The following ADARB1 variants were observed in gnomAD, a reference collection of about 807,000 sequenced individuals.
ADARB1 encodes the protein adenosine deaminase RNA specific B1.
ADARB1 carries 10 observed loss-of-function variants against 52.4 expected under a neutral mutation model. The observed-to-expected ratio is 0.19, with a 90% CI of 0.12 to 0.32. ADARB1 has a LOEUF of 0.32. ADARB1 is among the 10% of genes least tolerant of loss of function. The pLI, the probability that ADARB1 is intolerant of heterozygous loss-of-function variation, is 1.00. For missense variants in ADARB1, 643 were observed against 922.3 expected, an observed-to-expected ratio of 0.70 and a Z score of 3.92; for synonymous variants, 349 against 371.1, an observed-to-expected ratio of 0.94 and a Z score of 0.68.
intron 8 of ADARB1, among the ~76,000 whole-genome samples, chr21:45,201,653 C>G (rs888174125): frequency 1.3e-5 from 2 of 152,264 alleles, no homozygotes; most frequent in African/African-American, 4.8e-5. Flanking sequence ...CTGTATGTGC[C>G]AGGTACATAT....
Position 45,221,236 on chromosome 21 carries a change from G to T in ADARB1, c.1926+222G>T, listed in dbSNP as rs1192980783. 1.3e-5 allele frequency among the ~76,000 whole-genome samples: 2 copies of T among 152,222 alleles called. No individual in the cohort carries two copies. The highest frequency in any genetic ancestry group is 2.9e-5 in the Non-Finnish European group (2 of 68,042). On this transcript the variant is annotated intron_variant, in intron 10 of 10. Transcript: ENST00000348831. This position sits in a 1 kb window ranked among gnomAD's most constrained non-coding sequence, Gnocchi z 4.9. ...AAAGGCAGCTCTTTTCCTCCCTGCT[G>T]CAGGGTAACACCCACTGCCAGGCCA... is the stretch of plus-strand genomic sequence containing the variant.
chr21:45,163,176 A>G (rs1015195038), intron 2 of ADARB1, among the ~76,000 whole-genome samples: 8 of 152,240 alleles, frequency 5.3e-5, no homozygotes, highest in Non-Finnish European at 1.0e-4. Context: ...AATAGTAACC[A>G]GTTTAAAGCC....
intron 1 of ADARB1, among the ~76,000 whole-genome samples, chr21:45,095,110 C>G (rs2086704667): frequency 6.6e-6 from 1 of 152,254 alleles, no homozygotes; most frequent in South Asian, 2.1e-4. Flanking sequence ...GTCCTGGTCT[C>G]AATCAGTGTC....
chr21:45,118,230 C>T (rs2087936979), intron 1 of ADARB1, among the ~76,000 whole-genome samples: 1 of 152,200 alleles, frequency 6.6e-6, no homozygotes, highest in East Asian at 1.9e-4. Context: ...CTGTTTCTAG[C>T]TGCCTCAGTT....
chr21:45,132,319 A>G (rs2145846141), intron 2 of ADARB1: 1 of 152,290 alleles, frequency 6.6e-6, no homozygotes, highest in East Asian at 1.9e-4. Context: ...CAGAGGATTC[A>G]TTTCTGTCTG....
At chr21:45,178,234 C>T (rs758612368) in intron 4 of ADARB1, among the ~76,000 whole-genome samples, 34 of 152,240 alleles carry the variant, frequency 2.2e-4, no homozygotes, top group Non-Finnish European at 3.7e-4. Flanking sequence ...CTTGGCTGTG[C>T]GCCTGCAGTG....
At position 45,180,442 on chromosome 21, in the gene ADARB1, C is replaced by T; in HGVS notation, c.1076C>T (p.Thr359Ile). The T allele has an allele frequency of 6.2e-7, 1 of 1,611,756 alleles. No homozygotes were observed. The highest frequency in any genetic ancestry group is 8.5e-7 in the Non-Finnish European group (1 of 1,178,080). Reference sequence around the variant, plus strand: ...GTGCTGGCTGGAGTCGTCATGACAACAGGTAACCATCTTGGTGTTGTATGT... The same window carrying T: ...GTGCTGGCTGGAGTCGTCATGACAATAGGTAACCATCTTGGTGTTGTATGT... ...RKVLAGVVMT[T>I]GTDVKDAKVI... Residue 359 changes from threonine to isoleucine, a missense_variant and splice_region_variant, in exon 5 of 11, where the codon ACA (threonine) becomes ATA (isoleucine). By Grantham distance (89) the Thr-to-Ile change is moderately conservative (BLOSUM62 -1). This residue lies in a region of ADARB1 where 263 missense variants were observed against 475.8 expected (regional missense o/e 0.55). Coordinates refer to ENST00000348831, the MANE Select transcript of ADARB1 (RefSeq NM_001112.4).
At chr21:45,129,943 C>T (rs927814987) in intron 2 of ADARB1, among the ~76,000 whole-genome samples, 1 of 152,154 alleles carries the variant, frequency 6.6e-6, no homozygotes, top group Non-Finnish European at 1.5e-5. Context: ...TTATCTTCAA[C>T]CGATGCTTTT....
chr21:45,097,944 C>G (rs1158535139), intron 1 of ADARB1, among the ~76,000 whole-genome samples: 1 of 152,156 alleles, frequency 6.6e-6, no homozygotes, highest in African/African-American at 2.4e-5. Flanking sequence ...CATCTGAAAC[C>G]AGAGCTTCAT....
intron 2 of ADARB1, among the ~76,000 whole-genome samples, chr21:45,164,878 A>G (rs1244359313): frequency 2.0e-5 from 3 of 152,132 alleles, no homozygotes; most frequent in African/African-American, 7.2e-5. Context: ...AGCTGGTGAC[A>G]TGGGGTGTGG....
At chr21:45,123,274 CGTGTGTGTGT>C (rs10647195) in intron 1 of ADARB1, among the ~76,000 whole-genome samples, 1 of 148,990 alleles carries the variant, frequency 6.7e-6, no homozygotes, top group African/African-American at 2.5e-5. Context: ...ATATATACTA[CGTGTGTGTGT>C]GTGTGTGTGT....
intron 1 of ADARB1, among the ~76,000 whole-genome samples, chr21:45,123,753 A>G (rs1187515383): frequency 2.6e-5 from 4 of 152,034 alleles, no homozygotes; most frequent in Non-Finnish European, 5.9e-5. Flanking sequence ...GGTGCACACC[A>G]GCATGCCTCG....
At chr21:45,203,402 A>C (rs1390389291) in intron 8 of ADARB1, among the ~76,000 whole-genome samples, 1 of 152,090 alleles carries the variant, frequency 6.6e-6, no homozygotes, top group African/African-American at 2.4e-5. Context: ...TTTTACCTCA[A>C]TTTATAGTTC....
At chr21:45,129,625 T>G (rs1414085257) in intron 2 of ADARB1, among the ~76,000 whole-genome samples, 1 of 152,158 alleles carries the variant, frequency 6.6e-6, no homozygotes, top group East Asian at 1.9e-4. Context: ...ACAGCCGTGC[T>G]CCCGCCTGGG....
intron 1 of ADARB1, among the ~76,000 whole-genome samples, chr21:45,091,659 C>T (rs1316031867): frequency 6.6e-6 from 1 of 152,146 alleles, no homozygotes; most frequent in Admixed American, 6.5e-5. Context: ...CTCCCAGGGG[C>T]AGGATCCTGG....
In ADARB1 at chr21:45,172,526, G is replaced by A. The variant is rs2091525889; in HGVS notation, c.28+842G>A. On this transcript the variant is annotated intron_variant, in intron 3 of 10. Coordinates refer to ENST00000348831, the MANE Select transcript of ADARB1 (RefSeq NM_001112.4). The surrounding 1 kb of genome is among the most constrained non-coding windows in gnomAD (Gnocchi z 4.4). ...CTTTACGCACAACCGATGATCTGGG[G>A]TCTTGGAGTCACTCTTGCGTACCAT... 6.6e-6 allele frequency among the ~76,000 whole-genome samples: 1 copy of A among 152,184 alleles called. No individual in the cohort carries two copies. The highest frequency in any genetic ancestry group is 2.1e-4 in the South Asian group (1 of 4,834).
At chr21:45,170,666 G>A (rs1392088268) in intron 2 of ADARB1, among the ~76,000 whole-genome samples, 1 of 151,916 alleles carries the variant, frequency 6.6e-6, no homozygotes, top group Non-Finnish European at 1.5e-5. Flanking sequence ...CATTTTCTAA[G>A]AGCAATGAAT....
chr21:45,192,685 A>T (rs1291469086), intron 8 of ADARB1, among the ~76,000 whole-genome samples: 1 of 152,204 alleles, frequency 6.6e-6, no homozygotes, highest in Non-Finnish European at 1.5e-5. Flanking sequence ...CCAAATGTGT[A>T]AGAAAAGAGT....
At chr21:45,130,715 G>A (rs1010966345) in intron 2 of ADARB1, among the ~76,000 whole-genome samples, 5 of 152,248 alleles carry the variant, frequency 3.3e-5, no homozygotes, top group East Asian at 1.9e-4. Context: ...TGTCTGTGCC[G>A]TGTAGCCACA....
Sources: allele counts gnomAD v4.1 joint callset (sites outside exome capture counted in the v4.1 genomes callset), GRCh38; gene constraint gnomAD v4.1.1; regional missense constraint gnomAD v4.1.1; non-coding constraint Gnocchi (gnomAD v3.1); transcripts MANE v1.5; gene names NCBI Gene and HGNC (gene_info 2026-07-23, HGNC 2026-07-21).